Variants in IMMP2L observed in about 807,000 individuals in gnomAD.
IMMP2L encodes the protein inner mitochondrial membrane peptidase subunit 2, also known as mitochondrial inner membrane protease subunit 2.
IMMP2L carries 18 observed loss-of-function variants against 19.3 expected under a neutral mutation model. The ratio of observed to expected loss-of-function variants is 0.93; its 90% CI spans 0.64 to 1.38. The LOEUF (loss-of-function observed/expected upper bound fraction) is 1.38, where lower values mean the gene tolerates loss of function less well. Ranked by LOEUF, IMMP2L falls within the 40% of genes most tolerant of loss-of-function variation. IMMP2L has a pLI of 0.00. For missense variants in IMMP2L, 233 were observed against 218.2 expected (o/e 1.07, Z -0.43); for synonymous variants, 76 against 73.0 (o/e 1.04, Z -0.21).
chr7:111,112,419 T>G (rs1458964655), intron 3 of IMMP2L, among the ~76,000 whole-genome samples: 1 of 152,168 alleles, frequency 6.6e-6, no homozygotes, highest in African/African-American at 2.4e-5. Context: ...TATTAACCAT[T>G]TAACACGAGT....
intron 3 of IMMP2L, among the ~76,000 whole-genome samples, chr7:111,043,146 T>C (rs1418279250): frequency 6.6e-6 from 1 of 152,176 alleles, no homozygotes; most frequent in East Asian, 1.9e-4. Flanking sequence ...TGGCCCAACC[T>C]GTAGTAAGTC....
chr7:110,880,340 A>C (rs1167022031), intron 5 of IMMP2L, among the ~76,000 whole-genome samples: 2 of 152,108 alleles, frequency 1.3e-5, no homozygotes, highest in African/African-American at 2.4e-5. Flanking sequence ...AGTCTTTTTA[A>C]AGATTACCCA....
intron 5 of IMMP2L, among the ~76,000 whole-genome samples, chr7:110,721,516 A>G (rs886994117): frequency 6.6e-6 from 1 of 152,114 alleles, no homozygotes; most frequent in Non-Finnish European, 1.5e-5. Context: ...AAGCAAAAGA[A>G]CAGACTATGA....
chr7:111,092,217 C>T (rs896003744), intron 3 of IMMP2L, among the ~76,000 whole-genome samples: 1 of 152,206 alleles, frequency 6.6e-6, no homozygotes, highest in Non-Finnish European at 1.5e-5. Context: ...ATTGCTAATG[C>T]AGCTGGAACT....
At chr7:111,387,202 G>A (rs1448714347) in intron 3 of IMMP2L, among the ~76,000 whole-genome samples, 1 of 152,108 alleles carries the variant, frequency 6.6e-6, no homozygotes, top group Non-Finnish European at 1.5e-5. Flanking sequence ...GTGACATAAA[G>A]TGCAGAGTAC....
intron 3 of IMMP2L, among the ~76,000 whole-genome samples, chr7:111,275,557 T>C (rs757059823): frequency 2.6e-5 from 4 of 152,158 alleles, no homozygotes; most frequent in East Asian, 1.9e-4. Context: ...ATACAACTTA[T>C]TCAGTGTGGG....
chr7:111,207,063 T>C (rs1244722552), intron 3 of IMMP2L, among the ~76,000 whole-genome samples: 6 of 152,228 alleles, frequency 3.9e-5, no homozygotes, highest in Non-Finnish European at 7.3e-5. Flanking sequence ...CTTGGAAGTG[T>C]CTCTCCTTTT....
chr7:111,427,733 C>CA lies in IMMP2L; in HGVS notation c.239+59504dup, dbSNP rs375364784. Among the ~76,000 whole-genome samples the CA allele has an allele frequency of 3.8e-4, 57 of 151,566 alleles. 2 individuals carry two copies. The highest frequency in any genetic ancestry group is 1.3e-3 in the African/African-American group (52 of 41,128). On this transcript the variant is annotated intron_variant, in intron 3 of 5. Coordinates refer to ENST00000405709, the MANE Select transcript of IMMP2L (RefSeq NM_032549.4). ...TCTCCATGCTATGTTTCCATTATGCCAAAAAATTAAGCACTCTTAATATTT... is the reference window on the plus strand; with the variant it reads ...TCTCCATGCTATGTTTCCATTATGCCAAAAAAATTAAGCACTCTTAATATTT...
rs1248177218 is a variant in IMMP2L, at chr7:110,663,447, T to C, written c.*155A>G. On this transcript the variant is annotated 3_prime_UTR_variant, in exon 6 of 6. Coordinates refer to ENST00000405709, the MANE Select transcript of IMMP2L (RefSeq NM_032549.4). ...TTAATACTGTTTAACATTTGAAAAT[T>C]ATTTATTTAATAATACAGATCGTTT... is the stretch of plus-strand genomic sequence containing the variant. The C allele has an allele frequency of 5.1e-6, 3 of 588,126 alleles. No individual in the cohort carries two copies. The highest frequency in any genetic ancestry group is 3.9e-5 in the African/African-American group (2 of 51,642). 36.4% of individuals were successfully genotyped at this position (588,126 alleles called of 1,614,324 possible). A position where few individuals can be genotyped will look rare whatever the true frequency, so the allele number is the denominator to read the frequency against.
In IMMP2L at chr7:111,195,014, T is replaced by C. The variant is rs73714687; in HGVS notation, c.240-231449A>G. On this transcript the variant is annotated intron_variant, in intron 3 of 5. Transcript: ENST00000405709. The stretch of plus-strand genomic sequence containing the variant: ...TGAATTGTTTTTAAAAACCAAACTA[T>C]TGAAAAATAACAATTAAAACTGTCA... Among the ~76,000 whole-genome samples, 515 of 152,232 alleles carry C rather than the reference T, an allele frequency of 3.4e-3. 7 individuals are homozygous for C. Among genetic ancestry groups the C allele is most frequent in the African/African-American group, 0.012 (484 of 41,546 alleles).
chr7:111,111,658 T>C (rs1799216076), intron 3 of IMMP2L, among the ~76,000 whole-genome samples: 3 of 151,368 alleles, frequency 2.0e-5, no homozygotes, highest in South Asian at 2.1e-4. Context: ...TCAACTAATG[T>C]CCCCCCCTGC....
Position 111,420,455 on chromosome 7 carries a change from T to G in IMMP2L, c.239+66783A>C, listed in dbSNP as rs375922627. On this transcript the variant is annotated intron_variant, in intron 3 of 5. Coordinates refer to ENST00000405709, the MANE Select transcript of IMMP2L (RefSeq NM_032549.4). ...GTTCTAGGGTACATGTGCACAATGT[T>G]TGCAGGTTTGATACATAACTATGCA... Among the ~76,000 whole-genome samples the G allele has an allele frequency of 5.3e-5, 8 of 151,936 alleles. No individual in the cohort carries two copies. In the East Asian group the frequency reaches 1.2e-3, roughly 22 times the overall value.
At chr7:111,166,557 T>G (rs1022936835) in intron 3 of IMMP2L, among the ~76,000 whole-genome samples, 16 of 152,050 alleles carry the variant, frequency 1.1e-4, no homozygotes, top group African/African-American at 3.4e-4. Flanking sequence ...AACATTAGAG[T>G]TGGTTAATTC....
At chr7:111,187,534 C>G (rs930089185) in intron 3 of IMMP2L, among the ~76,000 whole-genome samples, 2 of 152,096 alleles carry the variant, frequency 1.3e-5, no homozygotes, top group Non-Finnish European at 2.9e-5. Context: ...TGGCCTTACT[C>G]ATAGTATGGA....
intron 1 of IMMP2L, among the ~76,000 whole-genome samples, chr7:111,548,354 G>A (rs187926196): frequency 1.3e-3 from 191 of 151,950 alleles, no homozygotes; most frequent in Non-Finnish European, 5.1e-4. Flanking sequence ...GGAATTGTCT[G>A]TACTATTTCT....
intron 2 of IMMP2L, among the ~76,000 whole-genome samples, chr7:111,492,049 T>C (rs1440223095): frequency 2.0e-5 from 3 of 152,066 alleles, no homozygotes; most frequent in African/African-American, 7.2e-5. Flanking sequence ...TCACAGCCTA[T>C]GATTATTTCT....
intron 5 of IMMP2L, among the ~76,000 whole-genome samples, chr7:110,790,328 T>C (rs1800379171): frequency 1.3e-5 from 2 of 151,676 alleles, no homozygotes; most frequent in Non-Finnish European, 1.5e-5. Flanking sequence ...AGGCAAAGAC[T>C]GATGGAAAGA....
At chr7:111,098,593 T>C (rs747804022) in intron 3 of IMMP2L, among the ~76,000 whole-genome samples, 1 of 151,802 alleles carries the variant, frequency 6.6e-6, no homozygotes, top group East Asian at 1.9e-4. Context: ...GTAATAATAC[T>C]GGCAGATCTC....
At chr7:110,809,285 A>G (rs1052460114) in intron 5 of IMMP2L, among the ~76,000 whole-genome samples, 1 of 152,054 alleles carries the variant, frequency 6.6e-6, no homozygotes, top group African/African-American at 2.4e-5. Flanking sequence ...AATCAGGTAA[A>G]TACTAAAAAC....
Sources: gnomAD v4.1 joint callset for allele counts (sites outside exome capture counted in the v4.1 genomes callset) on GRCh38, gnomAD v4.1.1 for gene constraint, MANE v1.5 for transcripts, NCBI Gene and HGNC (gene_info 2026-07-23, HGNC 2026-07-21) for gene names.